The following LRRTM4 variants were observed in gnomAD, a reference collection of about 807,000 sequenced individuals.
LRRTM4 encodes the protein leucine rich repeat transmembrane neuronal 4.
A neutral mutation model predicts 47.6 loss-of-function variants in LRRTM4; 25 were observed. That is an observed-to-expected ratio of 0.53 (90% CI 0.38 to 0.73). LRRTM4 has a LOEUF of 0.73. Among genes scored for constraint, LRRTM4 ranks in the 30% least tolerant of loss-of-function variants. The pLI is 0.00. For synonymous variants in LRRTM4, 311 were observed against 269.5 expected, an observed-to-expected ratio of 1.15 and a Z score of -1.51; for missense variants, 638 against 713.4, an observed-to-expected ratio of 0.89 and a Z score of 1.20.
chr2:76,923,098 A>G (rs915865618), intron 3 of LRRTM4, among the ~76,000 whole-genome samples: 1 of 152,122 alleles, frequency 6.6e-6, no homozygotes, highest in Non-Finnish European at 1.5e-5. Context: ...AAAAATGTAT[A>G]TATTGACTTT....
chr2:77,411,131 A>G (rs73942713), intron 3 of LRRTM4, among the ~76,000 whole-genome samples: 13,610 of 152,154 alleles, frequency 0.089, 891 homozygotes, highest in East Asian at 0.23. Flanking sequence ...AACATTCAGG[A>G]AAGGCTTCCT....
At chr2:76,955,320 A>G (rs1675634998) in intron 3 of LRRTM4, among the ~76,000 whole-genome samples, 2 of 151,884 alleles carry the variant, frequency 1.3e-5, no homozygotes, top group East Asian at 1.9e-4. Context: ...TGTGACATCA[A>G]TGTAAAAAAG....
At chr2:76,992,888 A>T (rs1360222008) in intron 3 of LRRTM4, among the ~76,000 whole-genome samples, 1 of 151,306 alleles carries the variant, frequency 6.6e-6, no homozygotes, top group African/African-American at 2.4e-5. Context: ...ATAAGGCTTA[A>T]GTAACCAAAA....
intron 3 of LRRTM4, among the ~76,000 whole-genome samples, chr2:76,843,891 T>C (rs144316674): frequency 1.7e-3 from 254 of 151,380 alleles, no homozygotes; most frequent in Non-Finnish European, 2.3e-3. Flanking sequence ...ACATTAATGA[T>C]AATTTCTTTC....
At chr2:77,024,491 G>T (rs1365601496) in intron 3 of LRRTM4, among the ~76,000 whole-genome samples, 6 of 98,214 alleles carry the variant, frequency 6.1e-5, no homozygotes, top group African/African-American at 1.8e-4. Flanking sequence ...AAAGGGTCTA[G>T]AATTAAAAAA....
intron 3 of LRRTM4, among the ~76,000 whole-genome samples, chr2:76,888,905 T>G (rs2104144364): frequency 6.6e-6 from 1 of 152,044 alleles, no homozygotes; most frequent in African/African-American, 2.4e-5. Flanking sequence ...GCTGTGAGAC[T>G]AAATTATTCA....
chr2:77,132,554 C>G (rs922369195), intron 3 of LRRTM4, among the ~76,000 whole-genome samples: 6 of 152,232 alleles, frequency 3.9e-5, no homozygotes, highest in African/African-American at 7.2e-5. Context: ...CTAGCAGGTT[C>G]AGTGTTTGGT....
chr2:76,974,282 T>A (rs1454047624), intron 3 of LRRTM4, among the ~76,000 whole-genome samples: 1 of 146,036 alleles, frequency 6.8e-6, no homozygotes, highest in Admixed American at 7.0e-5. Flanking sequence ...ATATGGATTA[T>A]TTTGACATAC....
chr2:77,438,393 A>AT (rs70956631), intron 3 of LRRTM4, among the ~76,000 whole-genome samples: 2,847 of 100,050 alleles, frequency 0.028, 372 homozygotes, highest in African/African-American at 0.059. Flanking sequence ...GATCATGATA[A>AT]TTTTTTTTTT....
intron 3 of LRRTM4, among the ~76,000 whole-genome samples, chr2:77,407,514 GT>G (rs765864248): frequency 1.1e-4 from 16 of 148,472 alleles, no homozygotes; most frequent in Non-Finnish European, 2.4e-4. Context: ...TTTTTTGTTT[GT>G]TTTGGCAGTT....
intron 3 of LRRTM4, among the ~76,000 whole-genome samples, chr2:77,366,681 A>T (rs1672474190): frequency 6.6e-6 from 1 of 151,900 alleles, no homozygotes; most frequent in Non-Finnish European, 1.5e-5. Flanking sequence ...TGAGTAAAAA[A>T]TACCACCATC....
At chr2:76,812,989 C>A (rs1027659646) in intron 3 of LRRTM4, among the ~76,000 whole-genome samples, 1 of 151,894 alleles carries the variant, frequency 6.6e-6, no homozygotes, top group African/African-American at 2.4e-5. Context: ...TATGGTGAAA[C>A]CCTGTCTCTA....
intron 3 of LRRTM4, among the ~76,000 whole-genome samples, chr2:76,907,367 C>T (rs1673881814): frequency 6.6e-6 from 1 of 151,034 alleles, no homozygotes; most frequent in Admixed American, 6.7e-5. Flanking sequence ...ATTTATAGCA[C>T]TAAATGCCCA....
intron 3 of LRRTM4, among the ~76,000 whole-genome samples, chr2:76,971,444 G>C (rs1008873685): frequency 6.6e-5 from 10 of 152,046 alleles, no homozygotes; most frequent in Non-Finnish European, 1.3e-4. Context: ...AATATCAGTT[G>C]AGTTTCAATG....
intron 3 of LRRTM4, among the ~76,000 whole-genome samples, chr2:77,308,058 C>A (rs13418519): frequency 7.2e-6 from 1 of 138,336 alleles, no homozygotes; most frequent in East Asian, 2.1e-4. Context: ...CATTATATAT[C>A]TATATATCTA....
intron 3 of LRRTM4, among the ~76,000 whole-genome samples, chr2:77,044,799 A>C (rs1679179210): frequency 6.6e-6 from 1 of 151,684 alleles, no homozygotes; most frequent in African/African-American, 2.4e-5. Flanking sequence ...CAGGTGTATA[A>C]ATTATGTGAA....
chr2:76,851,660 T>C (rs1671998684), intron 3 of LRRTM4, among the ~76,000 whole-genome samples: 1 of 152,032 alleles, frequency 6.6e-6, no homozygotes, highest in Admixed American at 6.6e-5. Context: ...ATTAATAATT[T>C]GACAGAGTGG....
At position 77,516,891 on chromosome 2, in the gene LRRTM4, G is replaced by C. The variant is rs965695817; in HGVS notation, c.1551+1427C>G. 4.1e-6 allele frequency: 4 copies of C among 984,774 alleles called. No homozygotes were observed. In the South Asian group the frequency reaches 1.9e-4, roughly 46 times the overall value. The allele number at this position is 984,774 out of a possible 1,614,324, so 61.0% of individuals were successfully genotyped here. On this transcript the variant is annotated intron_variant, in intron 3 of 3. Transcript: ENST00000409884. ...ACATTTTCATTAGCATTTGTAGTTA[G>C]GACTATGGAAAAATTGGAGTATATG...
intron 3 of LRRTM4, among the ~76,000 whole-genome samples, chr2:76,828,633 TTTTC>T (rs1254916734): frequency 7.9e-5 from 12 of 151,934 alleles, no homozygotes; most frequent in Non-Finnish European, 1.5e-4. Flanking sequence ...ACAACTAAAT[TTTTC>T]TTTGTGTTTT....
Sources: allele counts gnomAD v4.1 joint callset (sites outside exome capture counted in the v4.1 genomes callset), GRCh38; gene constraint gnomAD v4.1.1; transcripts MANE v1.5; gene names NCBI Gene and HGNC (gene_info 2026-07-23, HGNC 2026-07-21).